Variants in OTUD7A observed in about 807,000 individuals in gnomAD.
OTUD7A encodes the protein OTU domain-containing protein 7A.
A neutral mutation model predicts 65.7 loss-of-function variants in OTUD7A; 12 were observed. The ratio of observed to expected loss-of-function variants is 0.18; its 90% CI spans 0.12 to 0.30. OTUD7A has a LOEUF of 0.30. Ranked by LOEUF, OTUD7A falls within the 10% of genes least tolerant of loss-of-function variation. The pLI is 1.00. For missense variants in OTUD7A, 1,148 were observed against 1,304.8 expected (o/e 0.88, Z 1.85); for synonymous variants, 641 against 586.3 (o/e 1.09, Z -1.35).
At chr15:31,778,317 G>A (rs1595762744) in intron 1 of OTUD7A, among the ~76,000 whole-genome samples, 1 of 152,256 alleles carries the variant, frequency 6.6e-6, no homozygotes, top group East Asian at 1.9e-4. Flanking sequence ...AGAGACAACA[G>A]GTGAGGAGAA....
chr15:31,764,383 A>G (rs1401393049), intron 1 of OTUD7A, among the ~76,000 whole-genome samples: 1 of 152,310 alleles, frequency 6.6e-6, no homozygotes. Flanking sequence ...ATGAAATTAC[A>G]TTGAGAAATG....
intron 3 of OTUD7A, among the ~76,000 whole-genome samples, chr15:31,588,867 C>T (rs1889628719): frequency 2.0e-5 from 3 of 152,242 alleles, no homozygotes; most frequent in African/African-American, 4.8e-5. Flanking sequence ...GGGATTGCTA[C>T]TCAGAGGGGA....
rs1212965748 is a variant in OTUD7A at position 31,811,198 on chromosome 15, G to A, written c.-100+59309C>T. Among the ~76,000 whole-genome samples the A allele has an allele frequency of 2.0e-5, 3 of 152,168 alleles. No homozygotes were observed. The East Asian group carries it at 5.8e-4, about 29-fold the overall frequency. ...ATATAATAATACTTCTAGCTAGGGAGAGACAGTGATGGCTGCATCTAGTAG... is the reference window on the plus strand; with the variant it reads ...ATATAATAATACTTCTAGCTAGGGAAAGACAGTGATGGCTGCATCTAGTAG... On this transcript the variant is annotated intron_variant, in intron 1 of 12. Coordinates refer to ENST00000307050, the MANE Select transcript of OTUD7A (RefSeq NM_001382637.1).
At chr15:31,805,539 G>C (rs1896246822) in intron 1 of OTUD7A, among the ~76,000 whole-genome samples, 1 of 152,198 alleles carries the variant, frequency 6.6e-6, no homozygotes, top group African/African-American at 2.4e-5. Context: ...ACCACTAAAG[G>C]GAGGCCTGTG....
chr15:31,595,555 C>A (rs1319729242), intron 3 of OTUD7A, among the ~76,000 whole-genome samples: 1 of 130,770 alleles, frequency 7.6e-6, no homozygotes, highest in Non-Finnish European at 1.5e-5. Flanking sequence ...TCAGATGGCC[C>A]CATGCCCCTC....
intron 3 of OTUD7A, among the ~76,000 whole-genome samples, chr15:31,574,808 C>T (rs1293368649): frequency 6.6e-6 from 1 of 152,132 alleles, no homozygotes; most frequent in Non-Finnish European, 1.5e-5. Context: ...ACCCATTAAT[C>T]CAAAGCCCAG....
At position 31,865,622 on chromosome 15, in the gene OTUD7A, A is replaced by G. The variant is rs369128353; in HGVS notation, c.-100+4885T>C. Among the ~76,000 whole-genome samples the G allele has an allele frequency of 3.9e-5, 6 of 152,268 alleles. No individual in the cohort carries two copies. In the East Asian group the frequency reaches 1.2e-3, roughly 29 times the overall value. ...GTGTGTTAGCCCTGGGGGCATGAAA[A>G]CTGGGGTCTTCTCAGAGGTAGCAAG... On this transcript the variant is annotated intron_variant, in intron 1 of 12. Coordinates refer to ENST00000307050, the MANE Select transcript of OTUD7A (RefSeq NM_001382637.1).
chr15:31,634,248 C>CAG (rs552322013), intron 3 of OTUD7A, among the ~76,000 whole-genome samples: 1 of 152,220 alleles, frequency 6.6e-6, no homozygotes, highest in South Asian at 2.1e-4. Flanking sequence ...AGCCACTCTA[C>CAG]AGAGAGAGGG....
intron 1 of OTUD7A, among the ~76,000 whole-genome samples, chr15:31,798,899 T>C (rs1442720820): frequency 3.3e-5 from 5 of 152,094 alleles, no homozygotes; most frequent in Non-Finnish European, 7.4e-5. Context: ...CTCTCCTCTT[T>C]TTGCAGGGAG....
At chr15:31,659,000 C>T (rs1892073854) in intron 1 of OTUD7A, among the ~76,000 whole-genome samples, 1 of 150,718 alleles carries the variant, frequency 6.6e-6, no homozygotes, top group African/African-American at 2.4e-5. Context: ...CCATTGCACT[C>T]CAGCCTGGGC....
chr15:31,863,176 G>A (rs761476407), intron 1 of OTUD7A, among the ~76,000 whole-genome samples: 30 of 152,222 alleles, frequency 2.0e-4, no homozygotes, highest in Non-Finnish European at 3.7e-4. Flanking sequence ...GCAGGGTACA[G>A]CCTCCCTCCT....
chr15:31,624,272 G>C (rs1315976511), intron 3 of OTUD7A, among the ~76,000 whole-genome samples: 5 of 152,132 alleles, frequency 3.3e-5, no homozygotes, highest in Non-Finnish European at 7.3e-5. Flanking sequence ...TTATCCTAGA[G>C]GCCTGATTAT....
Position 31,483,800 on chromosome 15 carries a change from G to GGA in OTUD7A, c.2295_2296insTC (p.Pro766SerfsTer222). 2.0e-6 allele frequency: 2 copies of GGA among 1,024,454 alleles called. No homozygotes were observed. The highest frequency in any genetic ancestry group is 2.3e-6 in the Non-Finnish European group (2 of 857,482). The allele number at this position is 1,024,454 out of a possible 1,614,324, so 63.5% of individuals were successfully genotyped here. ...GCTGGCGCCGGGGGGCTGCGGCCAGGCACTGGTCCGCTGGCGCTCGCACGC... is the reference window on the plus strand; with the variant it reads ...GCTGGCGCCGGGGGGCTGCGGCCAGGGACACTGGTCCGCTGGCGCTCGCACGC... On this transcript the variant is annotated frameshift_variant, in exon 13 of 13. Coordinates refer to ENST00000307050, the MANE Select transcript of OTUD7A (RefSeq NM_001382637.1). LOFTEE classifies it high-confidence loss of function.
intron 3 of OTUD7A, among the ~76,000 whole-genome samples, chr15:31,638,903 G>A (rs983190223): frequency 1.3e-5 from 2 of 152,096 alleles, no homozygotes; most frequent in Non-Finnish European, 2.9e-5. Context: ...GGGAGGCCGA[G>A]GTAGGCAAAT....
At chr15:31,541,125 T>A (rs2141135174) in intron 5 of OTUD7A, among the ~76,000 whole-genome samples, 1 of 152,298 alleles carries the variant, frequency 6.6e-6, no homozygotes, top group East Asian at 1.9e-4. Flanking sequence ...ACTCTTGAAT[T>A]GGGTAGACAT....
chr15:31,680,688 C>A (rs1037244587), intron 1 of OTUD7A, among the ~76,000 whole-genome samples: 5 of 152,146 alleles, frequency 3.3e-5, no homozygotes, highest in African/African-American at 1.2e-4. Context: ...TCATTTCCTA[C>A]TGAAACTATT....
chr15:31,771,266 TC>T (rs1895227584), intron 1 of OTUD7A, among the ~76,000 whole-genome samples: 1 of 152,218 alleles, frequency 6.6e-6, no homozygotes, highest in African/African-American at 2.4e-5. Context: ...TGTTTCTTGG[TC>T]TGGGTACCGG....
chr15:31,756,475 C>T (rs1297837271), intron 1 of OTUD7A, among the ~76,000 whole-genome samples: 1 of 152,210 alleles, frequency 6.6e-6, no homozygotes, highest in African/African-American at 2.4e-5. Flanking sequence ...TGCTGACGCA[C>T]AAAGTCACTG....
chr15:31,484,828 T>G lies in OTUD7A; in HGVS notation c.1372-104A>C. 6.7e-7 allele frequency: 1 copy of G among 1,484,624 alleles called. No individual in the cohort carries two copies. The highest frequency in any genetic ancestry group is 8.9e-7 in the Non-Finnish European group (1 of 1,120,430). 92.0% of individuals were successfully genotyped at this position (1,484,624 alleles called of 1,614,324 possible). A position where few individuals can be genotyped will look rare whatever the true frequency, so the allele number is the denominator to read the frequency against. On this transcript the variant is annotated intron_variant, in intron 12 of 12. Transcript: ENST00000307050. This position sits in a 1 kb window ranked among gnomAD's most constrained non-coding sequence, Gnocchi z 4.5. ...CCCTGTGTTGCCGAGGCTAGGGCCC[T>G]GGACCTTCACTGTCCCAGTCCCCAC...
Sources: allele counts gnomAD v4.1 joint callset (sites outside exome capture counted in the v4.1 genomes callset), GRCh38; gene constraint gnomAD v4.1.1; non-coding constraint Gnocchi (gnomAD v3.1); transcripts MANE v1.5; gene names NCBI Gene and HGNC (gene_info 2026-07-23, HGNC 2026-07-21).